NOP56: variants seen among roughly 807,000 people sequenced by gnomAD.
NOP56 encodes nucleolar protein 56.
Under a neutral mutation model 58.3 loss-of-function variants are expected in NOP56, and 31 were observed. That is an observed-to-expected ratio of 0.53 (90% CI 0.40 to 0.72). The LOEUF is 0.72. NOP56 is among the 30% of genes least tolerant of loss of function. NOP56 has a pLI of 0.00. For synonymous variants in NOP56, 313 were observed against 282.8 expected, an observed-to-expected ratio of 1.11 and a Z score of -1.07; for missense variants, 669 against 739.9, an observed-to-expected ratio of 0.90 and a Z score of 1.11.
intron 3 of NOP56, 71 bp downstream of exon 3, chr20:2,653,464 T>C: frequency 7.7e-7 from 1 of 1,293,888 alleles, no homozygotes; most frequent in Non-Finnish European, 1.1e-6. Flanking sequence ...CAGCTTGTGA[T>C]AGTATTTGCC....
chr20:2,653,900 G>A (rs545865412), intron 3 of NOP56: 5 of 314,076 alleles, frequency 1.6e-5, no homozygotes, highest in Non-Finnish European at 2.6e-5. Flanking sequence ...TGATCCGCCC[G>A]CCTCGACCTC....
Position 2,658,265 on chromosome 20 carries a change from A to C in NOP56, c.1756A>C (p.Lys586Gln). The C allele has an allele frequency of 6.3e-7, 1 of 1,595,300 alleles. No individual in the cohort carries two copies. Among genetic ancestry groups the C allele is most frequent in the East Asian group, 2.2e-5 (1 of 44,546 alleles). Residue 586 changes from lysine to glutamine, a missense_variant, in exon 12 of 12, where the codon AAG becomes CAG. This residue lies in a region of NOP56 where 209 missense variants were observed against 196.2 expected (regional missense o/e 1.07). Transcript: ENST00000329276. ...CAAGAGCAGCTCCAAGAAGAAGAAA[A>C]AGTTCCATAAAGCATCCCAGGAAGA... ...VGKSSSKKKK[K>Q]FHKASQED
At chr20:2,657,606 A>C in intron 11 of NOP56, 1 of 502,866 alleles carries the variant, frequency 2.0e-6, no homozygotes, top group Non-Finnish European at 3.6e-6. Flanking sequence ...ATTCTCCCTG[A>C]GATTTTCATT....
intron 5 of NOP56, 84 bp from the exon 6 acceptor site, chr20:2,655,241 G>C (rs1442969943): frequency 2.7e-6 from 4 of 1,487,030 alleles, no homozygotes; most frequent in Middle Eastern, 1.7e-4. Context: ...CCTCCAGGCA[G>C]AGTAGGTGTG....
At position 2,652,667 on chromosome 20, in the gene NOP56, A is replaced by G. The variant is rs956652201; in HGVS notation, c.3+4A>G. The stretch of plus-strand genomic sequence containing the variant: ...GAACCCGGGAGCTGGCGCCATGGTG[A>G]GGAGTGGTTGCGGGGCGCGGGCGAC... On this transcript the variant is annotated splice_donor_region_variant and intron_variant, in intron 1 of 11. Transcript: ENST00000329276. The G allele has an allele frequency of 1.4e-6, 2 of 1,454,352 alleles. No individual in the cohort carries two copies. Among genetic ancestry groups the G allele is most frequent in the Admixed American group, 2.8e-5 (1 of 35,848 alleles). 90.1% of individuals were successfully genotyped at this position (1,454,352 alleles called of 1,614,324 possible). A position where few individuals can be genotyped will look rare whatever the true frequency, so the allele number is the denominator to read the frequency against.
In NOP56 at chr20:2,652,948, G is replaced by A. The variant is rs184711111; in HGVS notation, c.93+17G>A. ...CAGCCGCAGGTGGGTGAGATCCGTG[G>A]GCTCCTTTGGCGGCCCCGCAGACCC... is the stretch of plus-strand genomic sequence containing the variant. On this transcript the variant is annotated intron_variant, in intron 2 of 11. Coordinates refer to ENST00000329276, the MANE Select transcript of NOP56 (RefSeq NM_006392.4). 6.3e-7 allele frequency: 1 copy of A among 1,575,148 alleles called. No individual in the cohort carries two copies. Among genetic ancestry groups the A allele is most frequent in the Non-Finnish European group, 8.6e-7 (1 of 1,157,476 alleles).
Sources: allele counts gnomAD v4.1 joint callset, GRCh38; gene constraint gnomAD v4.1.1; regional missense constraint gnomAD v4.1.1; transcripts MANE v1.5; gene names NCBI Gene and HGNC (gene_info 2026-07-23, HGNC 2026-07-21).